CADM2: variants seen among roughly 807,000 people sequenced by gnomAD.
CADM2 encodes immunoglobulin superfamily member 4D.
A neutral mutation model predicts 49.8 loss-of-function variants in CADM2; 12 were observed. The ratio of observed to expected loss-of-function variants is 0.24; its 90% CI spans 0.15 to 0.39. CADM2 has a LOEUF of 0.39. CADM2 is among the 10% of genes least tolerant of loss of function. The pLI, the probability that CADM2 is intolerant of heterozygous loss-of-function variation, is 1.00. For missense variants in CADM2, 378 were observed against 492.3 expected (o/e 0.77, Z 2.20); for synonymous variants, 214 against 175.4 (o/e 1.22, Z -1.74).
At chr3:85,014,633 G>C (rs2034165156) in intron 1 of CADM2, among the ~76,000 whole-genome samples, 2 of 152,138 alleles carry the variant, frequency 1.3e-5, no homozygotes, top group African/African-American at 4.8e-5. Flanking sequence ...GCAGGTGCAT[G>C]TTTGTTAGTG....
intron 1 of CADM2, among the ~76,000 whole-genome samples, chr3:85,427,245 A>G (rs1289683714): frequency 2.0e-5 from 3 of 149,680 alleles, no homozygotes; most frequent in African/African-American, 7.5e-5. Flanking sequence ...GTAAATGCCA[A>G]CATTTATGAG....
chr3:85,044,338 G>T, intron 1 of CADM2, among the ~76,000 whole-genome samples: 1 of 152,100 alleles, frequency 6.6e-6, no homozygotes, highest in South Asian at 2.1e-4. Context: ...AAAGACCTGG[G>T]TAATGTGAGA....
At chr3:85,529,478 C>G (rs1378753363) in intron 1 of CADM2, among the ~76,000 whole-genome samples, 1 of 152,100 alleles carries the variant, frequency 6.6e-6, no homozygotes, top group South Asian at 2.1e-4. Context: ...TATGAAAGAC[C>G]TTGTTGCTCT....
At chr3:85,199,132 A>G (rs1046143390) in intron 1 of CADM2, among the ~76,000 whole-genome samples, 2 of 151,956 alleles carry the variant, frequency 1.3e-5, no homozygotes, top group Admixed American at 1.3e-4. Context: ...ATTAATACAA[A>G]CTACATTTGT....
intron 1 of CADM2, among the ~76,000 whole-genome samples, chr3:85,563,361 C>G (rs1273575058): frequency 6.9e-6 from 1 of 144,324 alleles, no homozygotes; most frequent in African/African-American, 2.5e-5. Flanking sequence ...CTCTTGTAAC[C>G]TAGAAAATGA....
intron 1 of CADM2, among the ~76,000 whole-genome samples, chr3:85,058,783 T>C (rs1559639160): frequency 1.3e-5 from 2 of 152,256 alleles, no homozygotes; most frequent in African/African-American, 2.4e-5. Flanking sequence ...TTATAACTGA[T>C]TGTTTATAGA....
chr3:85,338,521 G>A (rs1023410227), intron 1 of CADM2, among the ~76,000 whole-genome samples: 1 of 151,292 alleles, frequency 6.6e-6, no homozygotes, highest in East Asian at 1.9e-4. Context: ...AAATTATAGT[G>A]CATATAATAT....
In CADM2 at chr3:85,067,414, G is replaced by A. The variant is rs2036567013; in HGVS notation, c.61+107746G>A. ...AATTTGTTATAGTAAGAGTTTTAAT[G>A]GGAACATTTATTTTATTTTTGCTTG... is the stretch of plus-strand genomic sequence containing the variant. On this transcript the variant is annotated intron_variant, in intron 1 of 9. Transcript: ENST00000383699. 6.6e-5 allele frequency among the ~76,000 whole-genome samples: 10 copies of A among 152,058 alleles called. No individual in the cohort carries two copies. The South Asian group carries it at 1.9e-3, about 28-fold the overall frequency.
intron 1 of CADM2, among the ~76,000 whole-genome samples, chr3:85,683,171 G>T (rs761138614): frequency 2.6e-5 from 4 of 151,836 alleles, no homozygotes; most frequent in African/African-American, 9.7e-5. Flanking sequence ...ATCTCATAAA[G>T]AGTTAAATCC....
At chr3:85,736,176 T>C (rs369670908) in intron 2 of CADM2, among the ~76,000 whole-genome samples, 6 of 151,998 alleles carry the variant, frequency 3.9e-5, no homozygotes, top group Admixed American at 6.6e-5. Context: ...AAAATGTATT[T>C]AAAAAGGAAG....
intron 1 of CADM2, among the ~76,000 whole-genome samples, chr3:84,990,682 G>T (rs2032836051): frequency 6.6e-6 from 1 of 151,972 alleles, no homozygotes; most frequent in Non-Finnish European, 1.5e-5. Context: ...GTATCCAGGA[G>T]GTGGTATCCC....
chr3:85,938,314 G>A (rs551002364), intron 7 of CADM2, among the ~76,000 whole-genome samples: 51 of 152,060 alleles, frequency 3.4e-4, no homozygotes, highest in African/African-American at 9.2e-4. Context: ...CTTACTGATC[G>A]TAAAGAAAAG....
At chr3:85,811,211 A>G (rs147794729) in intron 3 of CADM2, among the ~76,000 whole-genome samples, 3,257 of 152,282 alleles carry the variant, frequency 0.021, 45 homozygotes, top group Non-Finnish European at 0.034. Flanking sequence ...ACTTTCTGCA[A>G]TGTTTTTTGA....
At chr3:86,057,303 G>A (rs1265666360) in intron 8 of CADM2, among the ~76,000 whole-genome samples, 1 of 152,040 alleles carries the variant, frequency 6.6e-6, no homozygotes, top group African/African-American at 2.4e-5. Flanking sequence ...TTTAAATAGG[G>A]GGAAGTGGGC....
chr3:85,369,665 T>C (rs2033054661), intron 1 of CADM2, among the ~76,000 whole-genome samples: 1 of 152,160 alleles, frequency 6.6e-6, no homozygotes, highest in Non-Finnish European at 1.5e-5. Flanking sequence ...CTTGTGAAAA[T>C]GTAAACATGT....
intron 1 of CADM2, among the ~76,000 whole-genome samples, chr3:85,511,440 T>A (rs1362382176): frequency 6.6e-6 from 1 of 152,004 alleles, no homozygotes; most frequent in Non-Finnish European, 1.5e-5. Flanking sequence ...TTTTTTAAAA[T>A]TTTTCAGGAA....
intron 5 of CADM2, among the ~76,000 whole-genome samples, chr3:85,887,756 C>T (rs191620617): frequency 6.6e-6 from 1 of 152,182 alleles, no homozygotes; most frequent in East Asian, 1.9e-4. Context: ...CAGTAACATC[C>T]ATTCTAATTC....
chr3:85,856,885 G>C (rs181842405), intron 3 of CADM2, among the ~76,000 whole-genome samples: 81 of 152,248 alleles, frequency 5.3e-4, no homozygotes, highest in Admixed American at 1.5e-3. Flanking sequence ...GGGGTAGGAT[G>C]GGCAAATCAG....
At chr3:85,253,531 T>C (rs1377858254) in intron 1 of CADM2, among the ~76,000 whole-genome samples, 1 of 152,096 alleles carries the variant, frequency 6.6e-6, no homozygotes, top group Non-Finnish European at 1.5e-5. Flanking sequence ...TCTTTCACTC[T>C]TCTCTGCTTT....
Sources: gnomAD v4.1 joint callset for allele counts (sites outside exome capture counted in the v4.1 genomes callset) on GRCh38, gnomAD v4.1.1 for gene constraint, MANE v1.5 for transcripts, NCBI Gene and HGNC (gene_info 2026-07-23, HGNC 2026-07-21) for gene names.